Variants in DENND5A observed in about 807,000 individuals in gnomAD.
DENND5A encodes DENN domain-containing protein 5A.
Under a neutral mutation model 140.3 loss-of-function variants are expected in DENND5A, and 64 were observed. The observed-to-expected ratio is 0.46, with a 90% CI of 0.37 to 0.56. DENND5A has a LOEUF of 0.56. Ranked by LOEUF, DENND5A falls within the 20% of genes least tolerant of loss-of-function variation. The pLI, the probability that DENND5A is intolerant of heterozygous loss-of-function variation, is 0.00. For missense variants in DENND5A, 1,292 were observed against 1,593.8 expected (o/e 0.81, Z 3.22); for synonymous variants, 605 against 607.7 (o/e 1.00, Z 0.07).
chr11:9,234,417 T>C (rs752671994), intron 1 of DENND5A, among the ~76,000 whole-genome samples: 1 of 151,846 alleles, frequency 6.6e-6, no homozygotes, highest in Non-Finnish European at 1.5e-5. Context: ...TCTACTTGAG[T>C]AGTAGTCAAC....
chr11:9,237,862 G>C (rs1851068459), intron 1 of DENND5A, among the ~76,000 whole-genome samples: 1 of 152,160 alleles, frequency 6.6e-6, no homozygotes, highest in South Asian at 2.1e-4. Flanking sequence ...CAGCCTGGGC[G>C]ACAGAGCGAG....
chr11:9,140,280 CCA>C, intron 22 of DENND5A: 4 of 1,171,902 alleles, frequency 3.4e-6, no homozygotes, highest in Non-Finnish European at 3.4e-6. Flanking sequence ...ATTATTATCC[CCA>C]CTTTATAGAT....
At chr11:9,225,861 G>A (rs1850509836) in intron 1 of DENND5A, among the ~76,000 whole-genome samples, 1 of 152,180 alleles carries the variant, frequency 6.6e-6, no homozygotes, top group Non-Finnish European at 1.5e-5. Flanking sequence ...AAGTTGAGTG[G>A]ATTGCTTGAG....
At chr11:9,209,085 TTTCAG>T (rs1419400861) in intron 1 of DENND5A, among the ~76,000 whole-genome samples, 3 of 152,222 alleles carry the variant, frequency 2.0e-5, no homozygotes, top group African/African-American at 7.2e-5. Context: ...GCTTCTTCAC[TTTCAG>T]TTATCAGTTT....
At chr11:9,250,065 T>C (rs1335047732) in intron 1 of DENND5A, among the ~76,000 whole-genome samples, 1 of 151,000 alleles carries the variant, frequency 6.6e-6, no homozygotes, top group Non-Finnish European at 1.5e-5. Context: ...AAAAAATCCT[T>C]AAAATTTCTC....
intron 1 of DENND5A, among the ~76,000 whole-genome samples, chr11:9,250,031 T>C (rs1259822835): frequency 6.0e-5 from 7 of 116,802 alleles, no homozygotes; most frequent in Non-Finnish European, 1.2e-4. Context: ...TTCATGCCTT[T>C]AAAAATAAAA....
At chr11:9,201,850 A>T (rs573424065) in intron 4 of DENND5A, among the ~76,000 whole-genome samples, 1 of 152,344 alleles carries the variant, frequency 6.6e-6, no homozygotes, top group Non-Finnish European at 1.5e-5. Context: ...GAACAGAATA[A>T]TTAGTTTCAA....
In DENND5A at chr11:9,183,115, T is replaced by C. The variant is rs553314867; in HGVS notation, c.1138-2031A>G. On this transcript the variant is annotated intron_variant, in intron 5 of 22. Coordinates refer to ENST00000328194, the MANE Select transcript of DENND5A (RefSeq NM_015213.4). ...TTTGTAGTTCTTGTCCCTGTTGGAA[T>C]GTTCTTGCAGGTATAAATTACAGAA... Among the ~76,000 whole-genome samples, 15 of 152,338 alleles carry C rather than the reference T, an allele frequency of 9.8e-5. No individual in the cohort carries two copies. In the South Asian group the frequency reaches 2.9e-3, roughly 29 times the overall value.
intron 1 of DENND5A, among the ~76,000 whole-genome samples, chr11:9,212,612 C>T (rs751513225): frequency 2.1e-4 from 32 of 151,418 alleles, no homozygotes; most frequent in Non-Finnish European, 4.1e-4. Context: ...GGCTAGAAAA[C>T]ATGGAACAAC....
intron 5 of DENND5A, among the ~76,000 whole-genome samples, chr11:9,183,028 C>A (rs972356838): frequency 6.6e-6 from 1 of 152,124 alleles, no homozygotes; most frequent in Non-Finnish European, 1.5e-5. Context: ...ATATACCATA[C>A]CCTGTAAATA....
intron 1 of DENND5A, among the ~76,000 whole-genome samples, chr11:9,240,530 T>C (rs11042239): frequency 0.042 from 6,460 of 152,114 alleles, 470 homozygotes; most frequent in African/African-American, 0.15. Context: ...GGCAACGTGG[T>C]GAAAACCCAT....
At chr11:9,185,360 C>T (rs926504250) in intron 5 of DENND5A, among the ~76,000 whole-genome samples, 1 of 152,146 alleles carries the variant, frequency 6.6e-6, no homozygotes, top group Admixed American at 6.5e-5. Context: ...CTTAATCCAT[C>T]TGAAGTTGAT....
chr11:9,263,848 C>CAA (rs57967676), intron 1 of DENND5A, among the ~76,000 whole-genome samples: 62 of 65,034 alleles, frequency 9.5e-4, no homozygotes, highest in African/African-American at 1.8e-3. Flanking sequence ...GACTCCGTCT[C>CAA]AAAAAAAAAA....
At chr11:9,178,500 T>TAAA (rs34618516) in intron 7 of DENND5A, 134 bp from the exon 8 acceptor site, 14 of 533,318 alleles carry the variant, frequency 2.6e-5, no homozygotes, top group South Asian at 7.0e-5. Flanking sequence ...ATCTCTACAT[T>TAAA]AAAAAAAAAA....
intron 1 of DENND5A, among the ~76,000 whole-genome samples, chr11:9,243,158 G>A (rs77627607): frequency 1.3e-5 from 2 of 148,460 alleles, no homozygotes. Context: ...CTCTTCTGGA[G>A]ACTAACTCAA....
chr11:9,221,599 C>T (rs1850314471), intron 1 of DENND5A, among the ~76,000 whole-genome samples: 1 of 152,138 alleles, frequency 6.6e-6, no homozygotes, highest in Admixed American at 6.5e-5. Context: ...CTCCTGACCT[C>T]AGGCAATCGG....
chr11:9,181,948 G>A (rs529799012), intron 5 of DENND5A, among the ~76,000 whole-genome samples: 26 of 152,194 alleles, frequency 1.7e-4, no homozygotes, highest in African/African-American at 6.0e-4. Context: ...GCTTCCTTCT[G>A]GATTTAAAAT....
intron 1 of DENND5A, among the ~76,000 whole-genome samples, chr11:9,218,162 G>A (rs1850167535): frequency 6.6e-6 from 1 of 152,172 alleles, no homozygotes; most frequent in Non-Finnish European, 1.5e-5. Flanking sequence ...AGGAGGCTGA[G>A]GCAGGAGGAC....
intron 12 of DENND5A, 106 bp downstream of exon 12, chr11:9,160,607 C>T: frequency 1.0e-6 from 1 of 975,060 alleles, no homozygotes; most frequent in Non-Finnish European, 1.5e-6. Context: ...GGGCACTGTG[C>T]ACCATTCTTC....
Sources: allele counts gnomAD v4.1 joint callset (sites outside exome capture counted in the v4.1 genomes callset), GRCh38; gene constraint gnomAD v4.1.1; transcripts MANE v1.5; gene names NCBI Gene and HGNC (gene_info 2026-07-23, HGNC 2026-07-21).